The following RNF149 variants were observed in gnomAD, a reference collection of about 807,000 sequenced individuals.
RNF149 encodes ring finger protein 149.
Under a neutral mutation model 39.0 loss-of-function variants are expected in RNF149, and 21 were observed. The ratio of observed to expected loss-of-function variants is 0.54; its 90% CI spans 0.38 to 0.77. RNF149 has a LOEUF of 0.77. RNF149 is among the 30% of genes least tolerant of loss of function. The pLI, the probability that RNF149 is intolerant of heterozygous loss-of-function variation, is 0.00. For synonymous variants in RNF149, 209 were observed against 213.6 expected, an observed-to-expected ratio of 0.98 and a Z score of 0.19; for missense variants, 493 against 534.9, an observed-to-expected ratio of 0.92 and a Z score of 0.77.
intron 1 of RNF149, among the ~76,000 whole-genome samples, chr2:101,300,135 A>C (rs984073366): frequency 6.6e-6 from 1 of 152,212 alleles, no homozygotes; most frequent in Non-Finnish European, 1.5e-5. Context: ...CTTGGGGTGG[A>C]GGGAAATCTC....
intron 1 of RNF149, among the ~76,000 whole-genome samples, chr2:101,305,722 G>A (rs1683630116): frequency 1.3e-5 from 2 of 152,282 alleles, no homozygotes; most frequent in East Asian, 3.9e-4. Context: ...CAGGGAGGGA[G>A]AGGGAGAGGA....
chr2:101,303,631 G>A (rs1001749482), intron 1 of RNF149, among the ~76,000 whole-genome samples: 1 of 151,120 alleles, frequency 6.6e-6, no homozygotes, highest in Non-Finnish European at 1.5e-5. Flanking sequence ...CTTATCAATA[G>A]GAGGGATTTC....
chr2:101,272,657 A>C (rs1182096450), downstream of RNF149, among the ~76,000 whole-genome samples: 1 of 152,216 alleles, frequency 6.6e-6, no homozygotes, highest in Non-Finnish European at 1.5e-5. Context: ...ACTGCTTTTG[A>C]CTAAAACATA....
rs1482415605 is a variant in RNF149 at position 101,308,305 on chromosome 2, C to A, written c.284G>T (p.Arg95Leu). The part of the protein sequence containing the change: ...GDLEGCAPDT[R>L]FFVPEPGGRG... ...GCCGCCGGGCTCGGGCACGAAGAAG[C>A]GCGTGTCGGGCGCGCAGCCCTCGAG... Residue 95 changes from arginine to leucine, a missense_variant, in exon 1 of 7, where the codon CGC becomes CTC. Physicochemically the swap from Arg to Leu is moderately radical, Grantham distance 102 (BLOSUM62 -2). Coordinates refer to ENST00000295317, the MANE Select transcript of RNF149 (RefSeq NM_173647.4). The A allele has an allele frequency of 1.3e-6, 2 of 1,582,434 alleles. No individual in the cohort carries two copies. The highest frequency in any genetic ancestry group is 2.4e-5 in the East Asian group (1 of 42,528).
chr2:101,306,763 C>T (rs1421542479), intron 1 of RNF149, among the ~76,000 whole-genome samples: 1 of 152,244 alleles, frequency 6.6e-6, no homozygotes, highest in African/African-American at 2.4e-5. Flanking sequence ...TACTTCTTCT[C>T]AACAGTCTCT....
chr2:101,274,182 G>A (rs1682245902), downstream of RNF149, among the ~76,000 whole-genome samples: 1 of 151,990 alleles, frequency 6.6e-6, no homozygotes, highest in Admixed American at 6.6e-5. Context: ...CAATATTCAT[G>A]CCATCTTTCA....
rs1682729934 is a variant in RNF149, at chr2:101,284,818, T to TA, written c.960+1262dup. Among the ~76,000 whole-genome samples the TA allele has an allele frequency of 2.6e-5, 4 of 152,314 alleles. 1 individual carries two copies. In the East Asian group the frequency reaches 7.7e-4, roughly 29 times the overall value. ...CAAATTGTAGTTTCTAATTCTACAA[T>TA]AAACTCTATGAAAAACTCTAAAAAT... is the stretch of plus-strand genomic sequence containing the variant. On this transcript the variant is annotated intron_variant, in intron 5 of 6. Transcript: ENST00000295317.
downstream of RNF149, chr2:101,273,408 A>T: frequency 2.1e-6 from 1 of 468,102 alleles, no homozygotes; most frequent in Non-Finnish European, 4.4e-6. Flanking sequence ...GATTTATTAT[A>T]CATTCCCCCA....
chr2:101,281,632 C>A (rs1682590030), intron 6 of RNF149: 1 of 528,436 alleles, frequency 1.9e-6, no homozygotes, highest in South Asian at 2.1e-5. Flanking sequence ...TTCTGAGTAG[C>A]TGGGACTACA....
At chr2:101,307,323 G>C (rs769597144) in intron 1 of RNF149, among the ~76,000 whole-genome samples, 11 of 152,010 alleles carry the variant, frequency 7.2e-5, no homozygotes, top group Non-Finnish European at 1.2e-4. Flanking sequence ...CTGAGACTAC[G>C]GGCGGGCGCC....
chr2:101,272,853 G>T, downstream of RNF149: 1 of 907,086 alleles, frequency 1.1e-6, no homozygotes, highest in Non-Finnish European at 1.6e-6. Flanking sequence ...TATTCCTGAA[G>T]GTCTATTATT....
downstream of RNF149, among the ~76,000 whole-genome samples, chr2:101,274,316 C>T (rs1276984327): frequency 6.6e-6 from 1 of 152,136 alleles, no homozygotes; most frequent in Admixed American, 6.5e-5. Context: ...TGCCAGGACC[C>T]GTATGCTTCA....
In RNF149 at chr2:101,276,725, T is replaced by A. The variant is rs1682358273; in HGVS notation, c.*513A>T. On this transcript the variant is annotated 3_prime_UTR_variant, in exon 7 of 7. Transcript: ENST00000295317. ...TTGAAATCTTCACATACACTACAGATGGGCAAAAAAGCTACAGACATCTCA... is the reference window on the plus strand; with the variant it reads ...TTGAAATCTTCACATACACTACAGAAGGGCAAAAAAGCTACAGACATCTCA... 1 of 988,034 alleles carries A rather than the reference T, an allele frequency of 1.0e-6. No homozygotes were observed. The highest frequency in any genetic ancestry group is 1.2e-6 in the Non-Finnish European group (1 of 831,720). The allele number at this position is 988,034 out of a possible 1,614,324, so 61.2% of individuals were successfully genotyped here.
intron 1 of RNF149, among the ~76,000 whole-genome samples, chr2:101,305,915 G>C (rs750864663): frequency 6.6e-6 from 1 of 152,220 alleles, no homozygotes; most frequent in Non-Finnish European, 1.5e-5. Flanking sequence ...ACACTGAGCT[G>C]TGTGGGCTGT....
At chr2:101,303,139 G>C (rs904277207) in intron 1 of RNF149, among the ~76,000 whole-genome samples, 1 of 152,084 alleles carries the variant, frequency 6.6e-6, no homozygotes, top group African/African-American at 2.4e-5. Context: ...TTTTGAGACA[G>C]AGTCTTGCTC....
At chr2:101,272,261 CAAT>C (rs1682159036), downstream of RNF149, among the ~76,000 whole-genome samples, 1 of 152,132 alleles carries the variant, frequency 6.6e-6, no homozygotes, top group African/African-American at 2.4e-5. Context: ...TCTCACTAGC[CAAT>C]AATACAGCCC....
chr2:101,280,113 C>A (rs978554244), intron 6 of RNF149, among the ~76,000 whole-genome samples: 3 of 151,840 alleles, frequency 2.0e-5, no homozygotes, highest in Non-Finnish European at 2.9e-5. Flanking sequence ...GAGGCAGAGG[C>A]TGCAGTGAGC....
intron 1 of RNF149, 117 bp downstream of exon 1, chr2:101,308,012 A>C: frequency 6.8e-7 from 1 of 1,466,188 alleles, no homozygotes; most frequent in Non-Finnish European, 9.0e-7. Flanking sequence ...CAACAGCCAG[A>C]GGCCTGAGAG....
chr2:101,292,919 A>T (rs989465921), intron 3 of RNF149, among the ~76,000 whole-genome samples: 7 of 151,280 alleles, frequency 4.6e-5, no homozygotes, highest in Admixed American at 2.6e-4. Context: ...ATCCCCAAGG[A>T]CCTTCTGAGT....
Sources: allele counts gnomAD v4.1 joint callset (sites outside exome capture counted in the v4.1 genomes callset), GRCh38; gene constraint gnomAD v4.1.1; transcripts MANE v1.5; gene names NCBI Gene and HGNC (gene_info 2026-07-23, HGNC 2026-07-21).